PVT1: variants seen among roughly 807,000 people sequenced by gnomAD.
PVT1 encodes Pvt1 oncogene.
chr8:127,991,310 T>G (rs922230147), intron 4 of PVT1, among the ~76,000 whole-genome samples: 1 of 151,744 alleles, frequency 6.6e-6, no homozygotes, highest in Non-Finnish European at 1.5e-5. Context: ...GCCTGGCTAC[T>G]TTTTTTTGTA....
At chr8:128,073,083 C>T (rs181122919) in intron 5 of PVT1, among the ~76,000 whole-genome samples, 1 of 152,222 alleles carries the variant, frequency 6.6e-6, no homozygotes, top group East Asian at 1.9e-4. Context: ...ATCTGCCCTT[C>T]TCGGCCTCCC....
intron 4 of PVT1, among the ~76,000 whole-genome samples, chr8:128,069,830 T>C (rs1358425550): frequency 1.3e-5 from 2 of 152,200 alleles, no homozygotes; most frequent in South Asian, 2.1e-4. Flanking sequence ...CTGGCTGTGT[T>C]TTTTTCTTTC....
chr8:128,009,004 A>G (rs761736814), intron 4 of PVT1: 4 of 496,708 alleles, frequency 8.1e-6, no homozygotes, highest in Non-Finnish European at 1.7e-5. Context: ...CCCAGGCAGT[A>G]TAAATATATG....
At chr8:127,945,978 C>T (rs968262402) in intron 3 of PVT1, among the ~76,000 whole-genome samples, 15 of 152,042 alleles carry the variant, frequency 9.9e-5, no homozygotes, top group Non-Finnish European at 2.2e-4. Flanking sequence ...AGCCTCGCTG[C>T]GGGTTGGAAA....
chr8:127,821,298 C>T (rs984717886), intron 2 of PVT1, among the ~76,000 whole-genome samples: 42 of 151,562 alleles, frequency 2.8e-4, no homozygotes, highest in African/African-American at 8.5e-4. Flanking sequence ...ATTGAGCAGT[C>T]GAAATGTGCG....
At chr8:127,884,140 G>T (rs1212614061) in intron 2 of PVT1, among the ~76,000 whole-genome samples, 1 of 152,196 alleles carries the variant, frequency 6.6e-6, no homozygotes, top group East Asian at 1.9e-4. Flanking sequence ...CATTTTGGAA[G>T]CCCCCTCCCA....
chr8:127,990,253 G>A (rs955509737), intron 4 of PVT1, among the ~76,000 whole-genome samples: 1 of 152,100 alleles, frequency 6.6e-6, no homozygotes, highest in Non-Finnish European at 1.5e-5. Flanking sequence ...ACTATACCAT[G>A]GCTACTGCAC....
At chr8:127,926,517 G>A (rs1816131783) in intron 3 of PVT1, among the ~76,000 whole-genome samples, 1 of 152,180 alleles carries the variant, frequency 6.6e-6, no homozygotes, top group South Asian at 2.1e-4. Context: ...GGGTGCAAAG[G>A]GCTGCTCCTC....
At chr8:127,913,376 A>G (rs1815934444) in intron 3 of PVT1, among the ~76,000 whole-genome samples, 1 of 152,142 alleles carries the variant, frequency 6.6e-6, no homozygotes, top group South Asian at 2.1e-4. Context: ...AGCCTGATCC[A>G]TTGACCTGGG....
chr8:128,094,957 A>C (rs1304088662), intron 5 of PVT1, among the ~76,000 whole-genome samples: 1 of 152,292 alleles, frequency 6.6e-6, no homozygotes, highest in Non-Finnish European at 1.5e-5. Flanking sequence ...CCAGATGTGG[A>C]TGGGGCCAGC....
At chr8:128,057,118 T>C (rs149240443) in intron 4 of PVT1, among the ~76,000 whole-genome samples, 5 of 152,288 alleles carry the variant, frequency 3.3e-5, no homozygotes, top group Non-Finnish European at 7.4e-5. Flanking sequence ...TCCCTCCCAT[T>C]CACAGTGAGC....
At chr8:127,897,161 C>G (rs931585731) in intron 3 of PVT1, among the ~76,000 whole-genome samples, 1 of 152,198 alleles carries the variant, frequency 6.6e-6, no homozygotes, top group South Asian at 2.1e-4. Context: ...CCCGTTACCC[C>G]TGAGCGAGTT....
intron 4 of PVT1, among the ~76,000 whole-genome samples, chr8:128,048,221 A>G (rs1337390029): frequency 6.6e-6 from 1 of 152,242 alleles, no homozygotes; most frequent in Non-Finnish European, 1.5e-5. Context: ...TCCAAGGCCA[A>G]GCTAGAGAAG....
At chr8:128,050,604 A>G (rs1813680330) in intron 4 of PVT1, among the ~76,000 whole-genome samples, 2 of 152,292 alleles carry the variant, frequency 1.3e-5, no homozygotes, top group African/African-American at 4.8e-5. Flanking sequence ...CTCTGGCTTC[A>G]GAGAGTGCTG....
chr8:127,815,996 T>C (rs1223833922), intron 2 of PVT1, among the ~76,000 whole-genome samples: 1 of 152,092 alleles, frequency 6.6e-6, no homozygotes, highest in Non-Finnish European at 1.5e-5. Flanking sequence ...TGGTGGCACA[T>C]GCCTGTAGTC....
intron 3 of PVT1, among the ~76,000 whole-genome samples, chr8:127,924,233 C>T (rs1296411459): frequency 1.3e-5 from 2 of 152,174 alleles, no homozygotes; most frequent in Non-Finnish European, 2.9e-5. Flanking sequence ...CACATCAGAG[C>T]AAACTTCTTC....
At chr8:128,048,504 G>A (rs1813647154) in intron 4 of PVT1, 1 of 152,218 alleles carries the variant, frequency 6.6e-6, no homozygotes. Flanking sequence ...AGATTACAAT[G>A]TGTAGCTGAC....
intron 4 of PVT1, among the ~76,000 whole-genome samples, chr8:128,013,005 A>G (rs753825750): frequency 3.9e-5 from 6 of 152,146 alleles, no homozygotes; most frequent in Non-Finnish European, 5.9e-5. Flanking sequence ...GGGGCCTGCT[A>G]TGTTCCCAGG....
At chr8:127,972,515 G>A (rs1443036581) in intron 3 of PVT1, among the ~76,000 whole-genome samples, 2 of 152,176 alleles carry the variant, frequency 1.3e-5, no homozygotes, top group Middle Eastern at 3.4e-3. Flanking sequence ...CGAGGTGGTC[G>A]GATCACAAGG....
Sources: gnomAD v4.1 joint callset for allele counts (sites outside exome capture counted in the v4.1 genomes callset) on GRCh38, gnomAD v4.1.1 for gene constraint, MANE v1.5 for transcripts, NCBI Gene and HGNC (gene_info 2026-07-23, HGNC 2026-07-21) for gene names.